Variants in NFIC observed in about 807,000 individuals in gnomAD.
NFIC encodes the protein nuclear factor 1 C-type.
Under a neutral mutation model 54.4 loss-of-function variants are expected in NFIC, and 12 were observed. That is an observed-to-expected ratio of 0.22 (90% CI 0.14 to 0.36). The LOEUF is 0.36. Ranked by LOEUF, NFIC falls within the 10% of genes least tolerant of loss-of-function variation. NFIC has a pLI of 1.00. For missense variants in NFIC, 575 were observed against 718.2 expected (o/e 0.80, Z 2.28); for synonymous variants, 322 against 319.2 (o/e 1.01, Z -0.09).
intron 2 of NFIC, among the ~76,000 whole-genome samples, chr19:3,400,574 C>T (rs951297805): frequency 2.0e-5 from 3 of 152,186 alleles, no homozygotes; most frequent in Admixed American, 2.0e-4. Flanking sequence ...AGTGCGGTGG[C>T]TCACGCCTGT....
chr19:3,454,205 C>A, intron 9 of NFIC: 1 of 1,229,102 alleles, frequency 8.1e-7, no homozygotes, highest in African/African-American at 1.6e-5. Context: ...CGTCAGAAAC[C>A]CTCCCTGGTA....
intron 7 of NFIC, among the ~76,000 whole-genome samples, chr19:3,449,754 C>A: frequency 1.5e-5 from 2 of 131,906 alleles, no homozygotes; most frequent in African/African-American, 3.1e-5. Context: ...AGTAAGATTC[C>A]ATCTCAAAAA....
At chr19:3,384,431 C>T (rs561199798) in intron 2 of NFIC, among the ~76,000 whole-genome samples, 9 of 151,822 alleles carry the variant, frequency 5.9e-5, no homozygotes, top group South Asian at 4.2e-4. Context: ...CCCTGTTCCC[C>T]GGGCTGGAGT....
intron 6 of NFIC, among the ~76,000 whole-genome samples, chr19:3,443,719 C>T (rs2082327703): frequency 6.6e-6 from 1 of 152,138 alleles, no homozygotes. Context: ...CACTGGGTGA[C>T]ATCTGGGGAC....
intron 2 of NFIC, among the ~76,000 whole-genome samples, chr19:3,400,338 G>C (rs573185747): frequency 6.6e-6 from 1 of 151,778 alleles, no homozygotes; most frequent in Non-Finnish European, 1.5e-5. Context: ...TTAGCCAGGC[G>C]TGATGGCAGG....
chr19:3,454,070 G>C, intron 9 of NFIC, 154 bp downstream of exon 9: 1 of 1,378,246 alleles, frequency 7.3e-7, no homozygotes, highest in Non-Finnish European at 9.3e-7. Flanking sequence ...TGGCCACGTG[G>C]TTGGGCCCAT....
intron 10 of NFIC, among the ~76,000 whole-genome samples, chr19:3,460,549 T>C (rs565459453): frequency 5.9e-5 from 9 of 152,256 alleles, no homozygotes; most frequent in African/African-American, 2.2e-4. Flanking sequence ...CGGAGTCTTA[T>C]GCTGCCCAGG....
rs2082693734 is a variant in NFIC at position 3,464,721 on chromosome 19, A to G, written c.*1952A>G. On this transcript the variant is annotated 3_prime_UTR_variant, in exon 11 of 11. Transcript: ENST00000443272. ...GAGCTTGGCGAACCCGCTCGCTCCTAAAGAGAAAGACCCAGGACCCTCCCC... is the reference window on the plus strand; with the variant it reads ...GAGCTTGGCGAACCCGCTCGCTCCTGAAGAGAAAGACCCAGGACCCTCCCC... The G allele has an allele frequency of 5.1e-6, 5 of 984,844 alleles. No homozygotes were observed. The highest frequency in any genetic ancestry group is 6.2e-5 in the Admixed American group (1 of 16,212). 61.0% of individuals were successfully genotyped at this position (984,844 alleles called of 1,614,324 possible).
In NFIC at chr19:3,452,764, G is replaced by A; in HGVS notation, c.1269+98G>A. On this transcript the variant is annotated intron_variant, in intron 8 of 10. Transcript: ENST00000443272. The surrounding 1 kb of genome is among the most constrained non-coding windows in gnomAD (Gnocchi z 5.3). The stretch of plus-strand genomic sequence containing the variant: ...CGAAGGCACAACCTCTGCTTAAAAG[G>A]GTCTTGAGGACTTGGCTCTGAAGTC... 1 of 1,418,540 alleles carries A rather than the reference G, an allele frequency of 7.0e-7. No individual in the cohort carries two copies. The allele number at this position is 1,418,540 out of a possible 1,614,324, so 87.9% of individuals were successfully genotyped here. A position where few individuals can be genotyped will look rare whatever the true frequency, so the allele number is the denominator to read the frequency against.
Position 3,462,981 on chromosome 19 carries a change from A to C in NFIC, c.*212A>C. On this transcript the variant is annotated 3_prime_UTR_variant, in exon 11 of 11. Coordinates refer to ENST00000443272, the MANE Select transcript of NFIC (RefSeq NM_001245002.2). Reference sequence around the variant, plus strand: ...GCAGAAGAAGAAGAAGAAGAAATAAAAACCCACCCAAGCAAGAAGACAAAA... The same window carrying C: ...GCAGAAGAAGAAGAAGAAGAAATAACAACCCACCCAAGCAAGAAGACAAAA... 1 of 1,416,170 alleles carries C rather than the reference A, an allele frequency of 7.1e-7. No individual in the cohort carries two copies. Among genetic ancestry groups the C allele is most frequent in the South Asian group, 1.6e-5 (1 of 63,376 alleles). The allele number at this position is 1,416,170 out of a possible 1,614,324, so 87.7% of individuals were successfully genotyped here. A position where few individuals can be genotyped will look rare whatever the true frequency, so the allele number is the denominator to read the frequency against.
intron 2 of NFIC, among the ~76,000 whole-genome samples, chr19:3,404,101 T>C (rs980256347): frequency 1.4e-5 from 2 of 148,108 alleles, no homozygotes; most frequent in Non-Finnish European, 3.0e-5. Flanking sequence ...CGTGGGCACA[T>C]GTGGCTCCCA....
intron 1 of NFIC, among the ~76,000 whole-genome samples, chr19:3,367,265 G>A (rs963514802): frequency 6.6e-6 from 1 of 152,162 alleles, no homozygotes; most frequent in Non-Finnish European, 1.5e-5. Flanking sequence ...AGGCCCAGGA[G>A]GGGGAAGGGT....
At chr19:3,416,446 T>C (rs961190741) in intron 2 of NFIC, among the ~76,000 whole-genome samples, 2 of 150,742 alleles carry the variant, frequency 1.3e-5, no homozygotes, top group Non-Finnish European at 3.0e-5. Flanking sequence ...ACTTACGCCA[T>C]TAAATATATA....
In NFIC at chr19:3,381,945, C is replaced by T; in HGVS notation, c.264C>T (p.Cys88=). The part of the protein sequence containing the change: ...AKLRKDIRPE[C]REDFVLSITG... ...TGCGCAAGGACATCCGGCCCGAGTGCCGCGAGGACTTCGTGCTGAGCATCA... is the reference window on the plus strand; with the variant it reads ...TGCGCAAGGACATCCGGCCCGAGTGTCGCGAGGACTTCGTGCTGAGCATCA... The change falls in exon 2 of 11, where the codon TGC becomes TGT. Residue 88 remains cysteine, a synonymous_variant. Transcript: ENST00000443272. 1.9e-6 allele frequency: 3 copies of T among 1,613,534 alleles called. No individual in the cohort carries two copies. The highest frequency in any genetic ancestry group is 1.3e-5 in the African/African-American group (1 of 75,060).
chr19:3,383,618 G>A (rs756763957), intron 2 of NFIC, among the ~76,000 whole-genome samples: 1 of 152,172 alleles, frequency 6.6e-6, no homozygotes, highest in South Asian at 2.1e-4. Context: ...TGCATCCCAA[G>A]ACCTGAGTGG....
chr19:3,414,122 A>G (rs987010666), intron 2 of NFIC, among the ~76,000 whole-genome samples: 2 of 152,116 alleles, frequency 1.3e-5, no homozygotes, highest in Non-Finnish European at 2.9e-5. Context: ...GTGCAGCTCC[A>G]ATGTACAGAT....
chr19:3,392,536 G>GCC (rs34666946), intron 2 of NFIC, among the ~76,000 whole-genome samples: 1 of 152,224 alleles, frequency 6.6e-6, no homozygotes, highest in Non-Finnish European at 1.5e-5. Flanking sequence ...TCCCGAGACA[G>GCC]CCCCTGAGGG....
intron 2 of NFIC, among the ~76,000 whole-genome samples, chr19:3,383,311 G>A (rs1378960348): frequency 6.6e-6 from 1 of 152,158 alleles, no homozygotes; most frequent in Non-Finnish European, 1.5e-5. Context: ...GGAAATCCAA[G>A]GCGGCTTCCC....
Position 3,385,117 on chromosome 19 carries a change from C to G in NFIC, c.562+2874C>G, listed in dbSNP as rs112461211. ...GGCTGCACCCTCCCTTGCCCCCAGC[C>G]TGCCCCCTTCATCCCCAAGGGAATC... On this transcript the variant is annotated intron_variant, in intron 2 of 10. Coordinates refer to ENST00000443272, the MANE Select transcript of NFIC (RefSeq NM_001245002.2). Among the ~76,000 whole-genome samples, 632 of 150,638 alleles carry G rather than the reference C, an allele frequency of 4.2e-3. 6 individuals carry two copies. Among genetic ancestry groups the G allele is most frequent in the African/African-American group, 0.015 (602 of 40,852 alleles).
Sources: gnomAD v4.1 joint callset for allele counts (sites outside exome capture counted in the v4.1 genomes callset) on GRCh38, gnomAD v4.1.1 for gene constraint, Gnocchi (gnomAD v3.1) non-coding constraint, MANE v1.5 for transcripts, NCBI Gene and HGNC (gene_info 2026-07-23, HGNC 2026-07-21) for gene names.